The following MEI4 variants were observed in gnomAD, a reference collection of about 807,000 sequenced individuals.
MEI4 encodes meiosis-specific protein MEI4.
MEI4 carries 27 observed loss-of-function variants against 31.4 expected under a neutral mutation model. The ratio of observed to expected loss-of-function variants is 0.86; its 90% CI spans 0.63 to 1.19. The LOEUF (loss-of-function observed/expected upper bound fraction) is 1.19, where lower values mean the gene tolerates loss of function less well. MEI4 is among the 50% of genes most tolerant of loss of function. The probability of loss-of-function intolerance (pLI) is 0.00; values close to 1 mark genes in which losing one functional copy is unlikely to be tolerated. For missense variants in MEI4, 329 were observed against 398.9 expected, an observed-to-expected ratio of 0.82 and a Z score of 1.49; for synonymous variants, 122 against 145.4, an observed-to-expected ratio of 0.84 and a Z score of 1.16.
At chr6:77,904,354 T>C (rs1374695985) in intron 4 of MEI4, among the ~76,000 whole-genome samples, 1 of 152,124 alleles carries the variant, frequency 6.6e-6, no homozygotes, top group Non-Finnish European at 1.5e-5. Flanking sequence ...TGCAGTTTAT[T>C]ACGTGGGTAA....
chr6:77,737,371 G>T (rs897317096), intron 2 of MEI4, among the ~76,000 whole-genome samples: 9 of 152,182 alleles, frequency 5.9e-5, no homozygotes, highest in Admixed American at 5.9e-4. Context: ...GGAAATAAAA[G>T]AGGTGCTGGT....
chr6:77,714,572 A>C (rs1238397030), intron 2 of MEI4, among the ~76,000 whole-genome samples: 1 of 152,238 alleles, frequency 6.6e-6, no homozygotes, highest in African/African-American at 2.4e-5. Context: ...AATGAATTAA[A>C]ATCATATCTT....
chr6:77,697,414 A>G (rs866181242), intron 2 of MEI4, among the ~76,000 whole-genome samples: 25 of 152,044 alleles, frequency 1.6e-4, no homozygotes, highest in African/African-American at 6.0e-4. Context: ...AGTGCTATAA[A>G]TTTCCCTCTA....
intron 2 of MEI4, among the ~76,000 whole-genome samples, chr6:77,714,531 G>A (rs1309422275): frequency 2.0e-5 from 3 of 152,158 alleles, no homozygotes; most frequent in African/African-American, 7.2e-5. Flanking sequence ...AAACTAGGTA[G>A]CATCTAGTCT....
intron 3 of MEI4, among the ~76,000 whole-genome samples, chr6:77,808,845 G>C (rs1343525678): frequency 6.6e-6 from 1 of 152,200 alleles, no homozygotes; most frequent in Non-Finnish European, 1.5e-5. Flanking sequence ...CCTGGAGCTA[G>C]AATGGTTTTT....
intron 2 of MEI4, among the ~76,000 whole-genome samples, chr6:77,707,469 G>A (rs1766358457): frequency 6.6e-6 from 1 of 152,156 alleles, no homozygotes; most frequent in Non-Finnish European, 1.5e-5. Context: ...ATACAAATTT[G>A]GAAAATTCTC....
chr6:77,716,404 A>G (rs993165854), intron 2 of MEI4, among the ~76,000 whole-genome samples: 1 of 152,246 alleles, frequency 6.6e-6, no homozygotes, highest in East Asian at 1.9e-4. Flanking sequence ...ACTTGGCTGC[A>G]CATTAGAATT....
At chr6:77,805,464 CTG>C (rs993089502) in intron 3 of MEI4, among the ~76,000 whole-genome samples, 2 of 152,012 alleles carry the variant, frequency 1.3e-5, no homozygotes, top group African/African-American at 2.4e-5. Context: ...CTTAAGAAAA[CTG>C]TGTTGGGGGA....
intron 1 of MEI4, among the ~76,000 whole-genome samples, chr6:77,657,107 C>G (rs1446974276): frequency 6.6e-6 from 1 of 152,126 alleles, no homozygotes; most frequent in Non-Finnish European, 1.5e-5. Flanking sequence ...CCCAGTTTCT[C>G]ATCTTTTTTC....
chr6:77,736,465 G>A (rs1767233280), intron 2 of MEI4, among the ~76,000 whole-genome samples: 1 of 152,100 alleles, frequency 6.6e-6, no homozygotes, highest in African/African-American at 2.4e-5. Flanking sequence ...TGCTTCTGGA[G>A]TGAGGCAATG....
At chr6:77,825,810 A>G (rs1177234309) in intron 3 of MEI4, among the ~76,000 whole-genome samples, 1 of 152,204 alleles carries the variant, frequency 6.6e-6, no homozygotes, top group Non-Finnish European at 1.5e-5. Context: ...TGGCTATTGC[A>G]TAATCTAAAA....
chr6:77,796,574 A>G (rs200160371), intron 3 of MEI4, among the ~76,000 whole-genome samples: 1 of 152,166 alleles, frequency 6.6e-6, no homozygotes, highest in African/African-American at 2.4e-5. Context: ...CTAACAACAA[A>G]CTATCTGAAA....
At chr6:77,838,942 T>TA (rs1231285715) in intron 4 of MEI4, among the ~76,000 whole-genome samples, 2 of 151,364 alleles carry the variant, frequency 1.3e-5, no homozygotes, top group African/African-American at 4.9e-5. Flanking sequence ...CCCTGAAATA[T>TA]AAAAAAGTAG....
chr6:77,819,252 A>G (rs1399796963), intron 3 of MEI4, among the ~76,000 whole-genome samples: 1 of 152,100 alleles, frequency 6.6e-6, no homozygotes, highest in Non-Finnish European at 1.5e-5. Flanking sequence ...TGAACTCAAT[A>G]TTGTTTTAAC....
chr6:77,917,008 AG>A (rs964325497), intron 4 of MEI4, among the ~76,000 whole-genome samples: 44 of 145,752 alleles, frequency 3.0e-4, no homozygotes, highest in Non-Finnish European at 8.9e-5. Flanking sequence ...CCTATGAGTG[AG>A]AATATGCGGT....
intron 3 of MEI4, among the ~76,000 whole-genome samples, chr6:77,793,309 A>G (rs1057058894): frequency 1.1e-4 from 17 of 152,252 alleles, no homozygotes; most frequent in Non-Finnish European, 2.2e-4. Flanking sequence ...GCTGTCCTTC[A>G]TAAATGAATG....
rs1244021438 is a variant in MEI4, at chr6:77,924,951, T to C, written c.*1605T>C. 14 of 151,898 alleles carry C rather than the reference T, an allele frequency of 9.2e-5. 1 individual carries two copies. The highest frequency in any genetic ancestry group is 7.9e-4 in the Admixed American group (12 of 15,178). The allele number at this position is 151,898 out of a possible 1,614,324, so 9.4% of individuals were successfully genotyped here. ...TACCAGTTGAATACAAGAAGTATAT[T>C]CCAAATCTTGGATTAGGAGGGATTT... On this transcript the variant is annotated 3_prime_UTR_variant, in exon 5 of 5. Coordinates refer to ENST00000684080, the MANE Select transcript of MEI4 (RefSeq NM_001322247.2).
chr6:77,713,903 AGTTTTTTTTTCTG>A (rs959611316), intron 2 of MEI4, among the ~76,000 whole-genome samples: 15 of 151,308 alleles, frequency 9.9e-5, no homozygotes, highest in African/African-American at 3.6e-4. Flanking sequence ...TTGCCTCTAC[AGTTTTTTTTTCTG>A]TCACAGTTAA....
At chr6:77,700,699 T>C (rs369252916) in intron 2 of MEI4, among the ~76,000 whole-genome samples, 15 of 152,194 alleles carry the variant, frequency 9.9e-5, no homozygotes, top group Non-Finnish European at 2.1e-4. Context: ...CGCTGGGAGC[T>C]GTAGACCGGA....
Sources: gnomAD v4.1 joint callset for allele counts (sites outside exome capture counted in the v4.1 genomes callset) on GRCh38, gnomAD v4.1.1 for gene constraint, MANE v1.5 for transcripts, NCBI Gene and HGNC (gene_info 2026-07-23, HGNC 2026-07-21) for gene names.